The following CYB5RL variants were observed in gnomAD, a reference collection of about 807,000 sequenced individuals.
CYB5RL encodes NADH-cytochrome b5 reductase-like.
CYB5RL carries 38 observed loss-of-function variants against 37.5 expected under a neutral mutation model. That is an observed-to-expected ratio of 1.01 (90% CI 0.78 to 1.33). CYB5RL has a LOEUF of 1.33. Among genes scored for constraint, CYB5RL ranks in the 40% most tolerant of loss-of-function variants. CYB5RL has a pLI of 0.00. For synonymous variants in CYB5RL, 141 were observed against 151.9 expected, an observed-to-expected ratio of 0.93 and a Z score of 0.53; for missense variants, 388 against 394.4, an observed-to-expected ratio of 0.98 and a Z score of 0.14.
chr1:54,197,804 G>A (rs2100490335), intron 1 of CYB5RL, among the ~76,000 whole-genome samples: 1 of 151,970 alleles, frequency 6.6e-6, no homozygotes, highest in South Asian at 2.1e-4. Flanking sequence ...GGTGGATCAC[G>A]AGGTCAGGAG....
At chr1:54,174,895 C>T (rs1387067548) in intron 7 of CYB5RL, 73 bp from the exon 8 acceptor site, 3 of 1,505,504 alleles carry the variant, frequency 2.0e-6, no homozygotes, top group South Asian at 1.2e-5. Flanking sequence ...GCCAGCTCTC[C>T]TCTGCAAAAT....
chr1:54,190,649 G>T, intron 4 of CYB5RL, 99 bp downstream of exon 4: 1 of 1,449,668 alleles, frequency 6.9e-7, no homozygotes. Context: ...GATGACAAAT[G>T]GAGGCTTAAG....
intron 4 of CYB5RL, among the ~76,000 whole-genome samples, chr1:54,189,553 C>A (rs773348202): frequency 1.3e-5 from 2 of 152,190 alleles, no homozygotes; most frequent in Non-Finnish European, 1.5e-5. Context: ...ACCTCAGATA[C>A]CTTCTGGGGT....
chr1:54,188,319 G>C (rs1157635075), intron 4 of CYB5RL, among the ~76,000 whole-genome samples: 2 of 152,348 alleles, frequency 1.3e-5, no homozygotes, highest in Middle Eastern at 3.4e-3. Context: ...AGATGGGAGA[G>C]TGTTTCAAAA....
intron 5 of CYB5RL, chr1:54,184,793 A>G (rs1479931236): frequency 6.6e-6 from 1 of 152,496 alleles, no homozygotes; most frequent in Non-Finnish European, 1.5e-5. Flanking sequence ...CATTTTTGAA[A>G]TGTCTGCAAT....
chr1:54,179,090 C>T, intron 7 of CYB5RL, 59 bp downstream of exon 7: 4 of 1,558,942 alleles, frequency 2.6e-6, no homozygotes, highest in South Asian at 2.4e-5. Context: ...GTCCTCAGGA[C>T]AGGTGCAAAG....
intron 7 of CYB5RL, among the ~76,000 whole-genome samples, chr1:54,178,768 G>A (rs963921793): frequency 1.3e-5 from 2 of 152,226 alleles, no homozygotes; most frequent in African/African-American, 2.4e-5. Context: ...TCACTCAGTT[G>A]GAGGGAGGTC....
rs1163182360 is a variant in CYB5RL at position 54,171,045 on chromosome 1, T to C, written c.*3574A>G. On this transcript the variant is annotated 3_prime_UTR_variant, in exon 8 of 8. Coordinates refer to ENST00000534324, the MANE Select transcript of CYB5RL (RefSeq NM_001031672.4). ...GCCGGCCCTCATGCTCACATGCAGATGACACTTATGGGTACAGCGACAGAA... is the reference window on the plus strand; with the variant it reads ...GCCGGCCCTCATGCTCACATGCAGACGACACTTATGGGTACAGCGACAGAA... 2.3e-6 allele frequency: 1 copy of C among 431,722 alleles called. No individual in the cohort carries two copies. Among genetic ancestry groups the C allele is most frequent in the Admixed American group, 2.4e-5 (1 of 41,726 alleles). 26.7% of individuals were successfully genotyped at this position (431,722 alleles called of 1,614,324 possible).
rs1644000991 is a variant in CYB5RL, at chr1:54,195,596, C to T, written c.21G>A (p.Glu7=). MMAERE[E]DDDTEEAWMQ... is the part of the protein sequence containing the mutation. ...TCCAGGCTTCCTCAGTGTCGTCGTCCTCTTCCCTCTCAGCCATCATCAGTG... is the reference window on the plus strand; with the variant it reads ...TCCAGGCTTCCTCAGTGTCGTCGTCTTCTTCCCTCTCAGCCATCATCAGTG... Residue 7 remains glutamate, a synonymous_variant, in exon 3 of 8, where the codon GAG becomes GAA. Transcript: ENST00000534324. 3 of 1,610,924 alleles carry T rather than the reference C, an allele frequency of 1.9e-6. No individual in the cohort carries two copies. Among genetic ancestry groups the T allele is most frequent in the East Asian group, 4.5e-5 (2 of 44,872 alleles).
intron 7 of CYB5RL, among the ~76,000 whole-genome samples, chr1:54,177,831 G>A (rs1315230107): frequency 1.3e-5 from 2 of 152,222 alleles, no homozygotes; most frequent in Non-Finnish European, 2.9e-5. Flanking sequence ...CGGAGGGCTG[G>A]GAGTGGGTCA....
chr1:54,189,535 G>A (rs930208259), intron 4 of CYB5RL, among the ~76,000 whole-genome samples: 12 of 152,150 alleles, frequency 7.9e-5, no homozygotes, highest in African/African-American at 1.9e-4. Context: ...TTACGGAGGC[G>A]ATGTGGTACC....
chr1:54,198,335 CT>C (rs577709879), intron 1 of CYB5RL, among the ~76,000 whole-genome samples: 2,380 of 142,996 alleles, frequency 0.017, 50 homozygotes, highest in African/African-American at 0.05. Context: ...TTCTTTCTTT[CT>C]TTTTTTTTTT....
At chr1:54,182,378 T>A (rs1289088449) in intron 6 of CYB5RL, among the ~76,000 whole-genome samples, 1 of 152,202 alleles carries the variant, frequency 6.6e-6, no homozygotes, top group Non-Finnish European at 1.5e-5. Context: ...TGTGCATTTG[T>A]ACATATACTC....
At position 54,184,543 on chromosome 1, in the gene CYB5RL, C is replaced by T. The variant is rs114249796; in HGVS notation, c.436-278G>A. 1.3e-3 allele frequency: 401 copies of T among 318,918 alleles called. 2 individuals carry two copies. Among genetic ancestry groups the T allele is most frequent in the African/African-American group, 7.8e-3 (370 of 47,172 alleles). 19.8% of individuals were successfully genotyped at this position (318,918 alleles called of 1,614,324 possible). On this transcript the variant is annotated intron_variant, in intron 5 of 7. Coordinates refer to ENST00000534324, the MANE Select transcript of CYB5RL (RefSeq NM_001031672.4). Reference sequence around the variant, plus strand: ...CCCAAACCCAAATGCCCACAGGGACCATGCAGGTACCATAAATGAGTGAAG... The same window carrying T: ...CCCAAACCCAAATGCCCACAGGGACTATGCAGGTACCATAAATGAGTGAAG...
intron 7 of CYB5RL, 21 bp from the exon 8 acceptor site, chr1:54,174,843 TG>T: frequency 6.2e-7 from 1 of 1,608,576 alleles, no homozygotes; most frequent in Non-Finnish European, 8.5e-7. Context: ...AAGAAAGGCA[TG>T]GGTGACTACA....
chr1:54,187,635 C>G lies in CYB5RL; in HGVS notation c.435+17G>C, dbSNP rs1027271226. ...CTTCTCCACGGCATCTTGGAGCATCCTCAAGGGTCAACTCACCTTAATTAA... is the reference window on the plus strand; with the variant it reads ...CTTCTCCACGGCATCTTGGAGCATCGTCAAGGGTCAACTCACCTTAATTAA... On this transcript the variant is annotated intron_variant, in intron 5 of 7. Coordinates refer to ENST00000534324, the MANE Select transcript of CYB5RL (RefSeq NM_001031672.4). 6.2e-7 allele frequency: 1 copy of G among 1,612,862 alleles called. No individual in the cohort carries two copies. Among genetic ancestry groups the G allele is most frequent in the East Asian group, 2.2e-5 (1 of 44,880 alleles).
At chr1:54,189,740 C>T (rs1287454850) in intron 4 of CYB5RL, among the ~76,000 whole-genome samples, 9 of 152,150 alleles carry the variant, frequency 5.9e-5, no homozygotes, top group Admixed American at 1.3e-4. Context: ...TGTGGCCCCT[C>T]CTGCCCACTG....
At chr1:54,198,410 GC>G (rs1644034853) in intron 1 of CYB5RL, among the ~76,000 whole-genome samples, 1 of 149,784 alleles carries the variant, frequency 6.7e-6, no homozygotes, top group Non-Finnish European at 1.5e-5. Flanking sequence ...TCAGCTCACT[GC>G]CAGCTCTGCC....
intron 5 of CYB5RL, chr1:54,186,286 T>C (rs1199096427): frequency 6.6e-6 from 1 of 152,228 alleles, no homozygotes; most frequent in Non-Finnish European, 1.5e-5. Flanking sequence ...AGTTTCTTCA[T>C]CTGTAAAATG....
Sources: allele counts gnomAD v4.1 joint callset (sites outside exome capture counted in the v4.1 genomes callset), GRCh38; gene constraint gnomAD v4.1.1; transcripts MANE v1.5; gene names NCBI Gene and HGNC (gene_info 2026-07-23, HGNC 2026-07-21).